The following SEMA3C variants were observed in gnomAD, a reference collection of about 807,000 sequenced individuals.
The protein encoded by SEMA3C is semaphorin-3C.
SEMA3C carries 47 observed loss-of-function variants against 89.4 expected under a neutral mutation model. The observed-to-expected ratio is 0.53, with a 90% CI of 0.42 to 0.67. The LOEUF (loss-of-function observed/expected upper bound fraction) is 0.67. Among genes scored for constraint, SEMA3C ranks in the 30% least tolerant of loss-of-function variants. The probability of loss-of-function intolerance (pLI) is 0.00; values close to 1 mark genes in which losing one functional copy is unlikely to be tolerated. For missense variants in SEMA3C, 839 were observed against 929.1 expected (o/e 0.90, Z 1.26); for synonymous variants, 310 against 320.2 (o/e 0.97, Z 0.34).
chr7:80,763,757 G>A (rs1408190954), intron 13 of SEMA3C, among the ~76,000 whole-genome samples: 1 of 152,034 alleles, frequency 6.6e-6, no homozygotes, highest in Non-Finnish European at 1.5e-5. Flanking sequence ...AAGGCACTTC[G>A]TATTATTTTA....
intron 11 of SEMA3C, among the ~76,000 whole-genome samples, chr7:80,791,229 GT>G (rs1361995085): frequency 1.3e-5 from 2 of 152,098 alleles, no homozygotes; most frequent in East Asian, 3.9e-4. Context: ...AAACTTAAGG[GT>G]AGGCTGGGAA....
chr7:80,866,625 T>C (rs369408489), intron 2 of SEMA3C, among the ~76,000 whole-genome samples: 1 of 152,188 alleles, frequency 6.6e-6, no homozygotes, highest in African/African-American at 2.4e-5. Flanking sequence ...GGAGAAGGTG[T>C]TTGTTTTGAC....
chr7:80,807,290 A>G (rs1789364522), intron 6 of SEMA3C, among the ~76,000 whole-genome samples: 1 of 152,150 alleles, frequency 6.6e-6, no homozygotes, highest in Non-Finnish European at 1.5e-5. Context: ...TTCAAGCAGA[A>G]AAAGAAAAAA....
intron 15 of SEMA3C, among the ~76,000 whole-genome samples, chr7:80,752,990 T>A (rs1302321821): frequency 1.3e-5 from 2 of 152,132 alleles, no homozygotes; most frequent in Non-Finnish European, 2.9e-5. Flanking sequence ...GATATTAAAC[T>A]TACAAAGAAA....
chr7:80,817,508 G>C (rs1452952071), intron 5 of SEMA3C, among the ~76,000 whole-genome samples: 2 of 152,110 alleles, frequency 1.3e-5, no homozygotes, highest in Admixed American at 1.3e-4. Flanking sequence ...AAAAGAATGA[G>C]TAGTAACTCT....
At chr7:80,749,058 A>G in intron 16 of SEMA3C, 30 bp from the exon 17 acceptor site, 1 of 1,573,848 alleles carries the variant, frequency 6.4e-7, no homozygotes, top group Non-Finnish European at 8.6e-7. Flanking sequence ...GGCGAGAGAG[A>G]AAGAAAGAAC....
chr7:80,816,846 TA>T (rs1328456269), intron 5 of SEMA3C, among the ~76,000 whole-genome samples: 3 of 152,228 alleles, frequency 2.0e-5, no homozygotes, highest in East Asian at 3.9e-4. Context: ...CAAAGGAGAT[TA>T]TTTTTTTGGA....
intron 2 of SEMA3C, among the ~76,000 whole-genome samples, chr7:80,843,738 T>C (rs547602290): frequency 2.0e-5 from 3 of 152,186 alleles, no homozygotes; most frequent in African/African-American, 4.8e-5. Context: ...TAAAAATCTA[T>C]TGAATTAATA....
At chr7:80,920,942 G>C (rs904793497), upstream of SEMA3C, among the ~76,000 whole-genome samples, 2 of 152,160 alleles carry the variant, frequency 1.3e-5, no homozygotes, top group African/African-American at 4.8e-5. Context: ...AGAAAGATGA[G>C]TGTGTGGATT....
intron 2 of SEMA3C, among the ~76,000 whole-genome samples, chr7:80,831,626 A>T (rs554172238): frequency 6.6e-6 from 1 of 152,318 alleles, no homozygotes; most frequent in African/African-American, 2.4e-5. Flanking sequence ...TAAGGAAAAT[A>T]ATTTGAGTAT....
chr7:80,817,293 T>C lies in SEMA3C; in HGVS notation c.447+1006A>G, dbSNP rs565367625. Among the ~76,000 whole-genome samples, 153 of 152,212 alleles carry C rather than the reference T, an allele frequency of 1.0e-3. 1 individual carries two copies. Among genetic ancestry groups the C allele is most frequent in the African/African-American group, 3.6e-3 (149 of 41,576 alleles). ...AAACATTGTTCAGTCATATTAGAAC[T>C]AAAATAGATTAATCCTTGTTAAAGG... On this transcript the variant is annotated intron_variant, in intron 5 of 17. Coordinates refer to ENST00000265361, the MANE Select transcript of SEMA3C (RefSeq NM_006379.5).
chr7:80,799,376 T>A (rs955546195), intron 10 of SEMA3C, among the ~76,000 whole-genome samples: 5 of 152,092 alleles, frequency 3.3e-5, no homozygotes, highest in African/African-American at 1.2e-4. Flanking sequence ...AGTGGCTGAG[T>A]TACAGCTTAA....
At chr7:80,910,377 G>A (rs1194052983) in intron 2 of SEMA3C, among the ~76,000 whole-genome samples, 4 of 152,154 alleles carry the variant, frequency 2.6e-5, no homozygotes, top group African/African-American at 9.7e-5. Context: ...AATTTAAAAC[G>A]TGGAACATAC....
At chr7:80,762,375 T>C (rs930634850) in intron 13 of SEMA3C, among the ~76,000 whole-genome samples, 1 of 152,188 alleles carries the variant, frequency 6.6e-6, no homozygotes, top group African/African-American at 2.4e-5. Context: ...TACTCATTGT[T>C]GCAAACAAAA....
intron 15 of SEMA3C, among the ~76,000 whole-genome samples, chr7:80,754,471 A>G (rs1227414652): frequency 6.6e-6 from 1 of 152,126 alleles, no homozygotes; most frequent in Non-Finnish European, 1.5e-5. Context: ...TACTAAAGAA[A>G]ATAAATGTGG....
chr7:80,922,336 A>G, upstream of SEMA3C: 1 of 1,264,682 alleles, frequency 7.9e-7, no homozygotes, highest in Non-Finnish European at 1.0e-6. Flanking sequence ...TCCATATGCC[A>G]TCCTTTTAAG....
chr7:80,909,809 A>G (rs1371467064), intron 2 of SEMA3C, among the ~76,000 whole-genome samples: 1 of 152,212 alleles, frequency 6.6e-6, no homozygotes, highest in East Asian at 1.9e-4. Flanking sequence ...AGATAAATGA[A>G]AATATAAATT....
chr7:80,853,342 A>T (rs1230147647), intron 2 of SEMA3C, among the ~76,000 whole-genome samples: 1 of 152,220 alleles, frequency 6.6e-6, no homozygotes, highest in African/African-American at 2.4e-5. Context: ...CATTATTCAC[A>T]TCAGCCAAGA....
rs537972993 is a variant in SEMA3C at position 80,757,123 on chromosome 7, CA to C, written c.1643+1207del. ...ATACACAAAAGCTCTAGGGTTGTTA[CA>C]ATCTGTCAAGGTCCTCAAAGGAATG... On this transcript the variant is annotated intron_variant, in intron 15 of 17. Transcript: ENST00000265361. Among the ~76,000 whole-genome samples, 462 of 152,254 alleles carry C rather than the reference CA, an allele frequency of 3.0e-3. 4 individuals carry two copies. The highest frequency in any genetic ancestry group is 0.011 in the South Asian group (53 of 4,828).
Sources: gnomAD v4.1 joint callset for allele counts (sites outside exome capture counted in the v4.1 genomes callset) on GRCh38, gnomAD v4.1.1 for gene constraint, MANE v1.5 for transcripts, NCBI Gene and HGNC (gene_info 2026-07-23, HGNC 2026-07-21) for gene names.